The following ITGA8 variants were observed in gnomAD, a reference collection of about 807,000 sequenced individuals.
The protein encoded by ITGA8 is integrin alpha-8.
A neutral mutation model predicts 142.3 loss-of-function variants in ITGA8; 91 were observed. The ratio of observed to expected loss-of-function variants is 0.64; its 90% CI spans 0.54 to 0.76. The LOEUF is 0.76. ITGA8 is among the 30% of genes least tolerant of loss of function. The probability of loss-of-function intolerance (pLI) is 0.00; values close to 1 mark genes in which losing one functional copy is unlikely to be tolerated. For synonymous variants in ITGA8, 505 were observed against 485.2 expected (o/e 1.04, Z -0.54); for missense variants, 1,406 against 1,327.7 (o/e 1.06, Z -0.92).
chr10:15,576,504 T>C (rs1253327215), intron 23 of ITGA8, among the ~76,000 whole-genome samples: 1 of 152,204 alleles, frequency 6.6e-6, no homozygotes, highest in African/African-American at 2.4e-5. Context: ...AAAGAATTCG[T>C]AGACTTTCAA....
intron 8 of ITGA8, among the ~76,000 whole-genome samples, 160 bp from the exon 9 acceptor site, chr10:15,661,082 C>A (rs1834277787): frequency 6.6e-6 from 1 of 152,188 alleles, no homozygotes; most frequent in Non-Finnish European, 1.5e-5. Flanking sequence ...CAGCACCTGT[C>A]TGTGGCCTGT....
intron 25 of ITGA8, among the ~76,000 whole-genome samples, chr10:15,570,324 G>A (rs914005983): frequency 2.6e-5 from 4 of 152,086 alleles, no homozygotes; most frequent in African/African-American, 9.7e-5. Context: ...AGAATAAGTG[G>A]GGGCGGGGCG....
chr10:15,673,862 T>C (rs1834575895), intron 6 of ITGA8, among the ~76,000 whole-genome samples: 1 of 152,190 alleles, frequency 6.6e-6, no homozygotes, highest in African/African-American at 2.4e-5. Flanking sequence ...TGAAATACGA[T>C]TGCCTTGGGG....
chr10:15,564,646 G>A (rs1022602941), intron 25 of ITGA8, among the ~76,000 whole-genome samples: 1 of 152,322 alleles, frequency 6.6e-6, no homozygotes, highest in East Asian at 1.9e-4. Context: ...TAAATTTATG[G>A]ATTAAAGGGA....
Position 15,607,827 on chromosome 10 carries a change from C to T in ITGA8, c.1614G>A (p.Leu538=). Residue 538 remains leucine (L), a synonymous_variant, in exon 17 of 30, where the codon TTG becomes TTA. Transcript: ENST00000378076. ...TGQSIANTIV[L]MAEVQLDSLK... is the part of the protein sequence containing the mutation. Reference sequence around the variant, plus strand: ...GGGAATCTAATTGCACCTCTGCCATCAAGACTAAAGGACAGAAGTAAAGTA... The same window carrying T: ...GGGAATCTAATTGCACCTCTGCCATTAAGACTAAAGGACAGAAGTAAAGTA... 1 of 1,612,858 alleles carries T rather than the reference C, an allele frequency of 6.2e-7. No homozygotes were observed. Among genetic ancestry groups the T allele is most frequent in the South Asian group, 1.1e-5 (1 of 91,032 alleles).
chr10:15,642,713 G>C (rs1833893129), intron 13 of ITGA8, among the ~76,000 whole-genome samples: 1 of 152,166 alleles, frequency 6.6e-6, no homozygotes, highest in Admixed American at 6.6e-5. Context: ...AATCCACTTT[G>C]AGCCCACTAT....
intron 9 of ITGA8, among the ~76,000 whole-genome samples, chr10:15,660,169 C>T (rs569112208): frequency 8.3e-4 from 127 of 152,264 alleles, no homozygotes; most frequent in African/African-American, 2.8e-3. Context: ...CAATTATTCC[C>T]GGATTATACC....
At chr10:15,669,108 G>T (rs1014957664) in intron 8 of ITGA8, among the ~76,000 whole-genome samples, 2 of 152,220 alleles carry the variant, frequency 1.3e-5, no homozygotes, top group Non-Finnish European at 2.9e-5. Flanking sequence ...ATATCCTGCA[G>T]AGTGTTTTCC....
chr10:15,547,601 A>C (rs1439667423), intron 27 of ITGA8, among the ~76,000 whole-genome samples: 1 of 152,156 alleles, frequency 6.6e-6, no homozygotes, highest in Non-Finnish European at 1.5e-5. Context: ...AAAAAAGTGC[A>C]CAAATCAATG....
intron 8 of ITGA8, among the ~76,000 whole-genome samples, chr10:15,667,727 C>G (rs1436355279): frequency 6.6e-6 from 1 of 151,726 alleles, no homozygotes; most frequent in Non-Finnish European, 1.5e-5. Context: ...TGTCTTTGTT[C>G]TCGTTGGTTT....
At chr10:15,531,543 T>C (rs1463316548) in intron 27 of ITGA8, among the ~76,000 whole-genome samples, 2 of 152,224 alleles carry the variant, frequency 1.3e-5, no homozygotes, top group Admixed American at 6.5e-5. Flanking sequence ...AGAATTTATA[T>C]AGTTACTGCT....
chr10:15,627,375 T>A (rs993810122), intron 13 of ITGA8, among the ~76,000 whole-genome samples: 1 of 152,162 alleles, frequency 6.6e-6, no homozygotes, highest in African/African-American at 2.4e-5. Context: ...TTCACCTGCT[T>A]CACTCTTTAG....
rs142271230 is a variant in ITGA8, at chr10:15,714,138, CA to C, written c.343+4627del. On this transcript the variant is annotated intron_variant, in intron 2 of 29. Coordinates refer to ENST00000378076, the MANE Select transcript of ITGA8 (RefSeq NM_003638.3). ...ATTTTACTTGAGCATTTAAAACAAT[CA>C]AATACTTGTATGCTATACTTTGGAA... Among the ~76,000 whole-genome samples the C allele has an allele frequency of 5.5e-3, 841 of 152,296 alleles. 6 individuals carry two copies. Among genetic ancestry groups the C allele is most frequent in the African/African-American group, 0.02 (811 of 41,578 alleles).
chr10:15,580,948 A>G (rs1345487070), intron 23 of ITGA8, among the ~76,000 whole-genome samples: 1 of 152,240 alleles, frequency 6.6e-6, no homozygotes, highest in Non-Finnish European at 1.5e-5. Context: ...AAAAAAAATG[A>G]AAGGCATAAG....
Position 15,644,104 on chromosome 10 carries a change from G to T in ITGA8, c.1325C>A (p.Ala442Asp). The T allele has an allele frequency of 6.2e-7, 1 of 1,614,076 alleles. No individual in the cohort carries two copies. The highest frequency in any genetic ancestry group is 8.5e-7 in the Non-Finnish European group (1 of 1,180,002). The change falls in exon 13 of 30, where the codon GCC becomes GAC. Residue 442 changes from alanine (A) to aspartate (D), a missense_variant. Physicochemically the swap from Ala to Asp is moderately radical, Grantham distance 126. Transcript: ENST00000378076. The part of the protein sequence containing the change: ...KPSQVLQGVW[A>D]SHAVPSGFGF... ...AAATCCGGAAGGGACAGCATGTGAG[G>T]CCCACACTCCTTGCAGAACTTGGGA... is the stretch of plus-strand genomic sequence containing the variant.
At chr10:15,639,119 G>T (rs1486334377) in intron 13 of ITGA8, among the ~76,000 whole-genome samples, 2 of 151,296 alleles carry the variant, frequency 1.3e-5, no homozygotes, top group Admixed American at 1.3e-4. Context: ...GACAGCACAA[G>T]TTCCTATCTC....
intron 15 of ITGA8, among the ~76,000 whole-genome samples, chr10:15,609,971 T>A (rs1347705493): frequency 6.6e-6 from 1 of 152,208 alleles, no homozygotes; most frequent in African/African-American, 2.4e-5. Context: ...TGATAAATGA[T>A]GTTATCAGCT....
chr10:15,669,185 T>G (rs934002878), intron 8 of ITGA8, among the ~76,000 whole-genome samples: 1 of 152,252 alleles, frequency 6.6e-6, no homozygotes, highest in Non-Finnish European at 1.5e-5. Flanking sequence ...TCTTTTCACA[T>G]AGTCCCATAT....
At chr10:15,700,928 T>C (rs972137640) in intron 2 of ITGA8, among the ~76,000 whole-genome samples, 1 of 152,212 alleles carries the variant, frequency 6.6e-6, no homozygotes, top group Non-Finnish European at 1.5e-5. Flanking sequence ...TACAATACTA[T>C]ATAGGAGTTA....
Sources: allele counts gnomAD v4.1 joint callset (sites outside exome capture counted in the v4.1 genomes callset), GRCh38; gene constraint gnomAD v4.1.1; transcripts MANE v1.5; gene names NCBI Gene and HGNC (gene_info 2026-07-23, HGNC 2026-07-21).